ROBO1: variants seen among roughly 807,000 people sequenced by gnomAD.
ROBO1 encodes the protein roundabout guidance receptor 1.
ROBO1 carries 149 observed loss-of-function variants against 195.9 expected under a neutral mutation model. That is an observed-to-expected ratio of 0.76 (90% confidence interval 0.67 to 0.87). The LOEUF (loss-of-function observed/expected upper bound fraction) is 0.87, where lower values mean the gene tolerates loss of function less well. Among genes scored for constraint, ROBO1 ranks in the 40% least tolerant of loss-of-function variants. The pLI, the probability that ROBO1 is intolerant of heterozygous loss-of-function variation, is 0.00. For missense variants in ROBO1, 1,933 were observed against 2,068.3 expected, an observed-to-expected ratio of 0.93 and a Z score of 1.27; for synonymous variants, 816 against 733.2, an observed-to-expected ratio of 1.11 and a Z score of -1.82.
intron 3 of ROBO1, among the ~76,000 whole-genome samples, chr3:79,086,180 GA>G (rs1025006393): frequency 6.6e-6 from 1 of 151,076 alleles, no homozygotes; most frequent in Non-Finnish European, 1.5e-5. Flanking sequence ...TGTATCCAAA[GA>G]AGTCCCTCAA....
chr3:78,743,343 T>C (rs2082577844), intron 5 of ROBO1, among the ~76,000 whole-genome samples: 1 of 152,058 alleles, frequency 6.6e-6, no homozygotes, highest in African/African-American at 2.4e-5. Flanking sequence ...CATTACTCCA[T>C]CTACCAGCTG....
intron 10 of ROBO1, among the ~76,000 whole-genome samples, chr3:78,671,092 A>C (rs1708038501): frequency 6.6e-6 from 1 of 152,200 alleles, no homozygotes; most frequent in Admixed American, 6.5e-5. Flanking sequence ...CATACTACGG[A>C]AAATAACAAC....
intron 1 of ROBO1, among the ~76,000 whole-genome samples, chr3:79,762,127 T>C (rs1332389658): frequency 6.6e-6 from 1 of 152,178 alleles, no homozygotes; most frequent in Non-Finnish European, 1.5e-5. Flanking sequence ...TTGTAAACAA[T>C]AGAAATGCTT....
At chr3:78,734,669 A>G (rs1294567645) in intron 5 of ROBO1, among the ~76,000 whole-genome samples, 1 of 152,048 alleles carries the variant, frequency 6.6e-6, no homozygotes, top group Non-Finnish European at 1.5e-5. Context: ...ATACTAACAA[A>G]CAGTTTGCAA....
chr3:78,979,437 T>C (rs1421402437), intron 3 of ROBO1, among the ~76,000 whole-genome samples: 2 of 152,188 alleles, frequency 1.3e-5, no homozygotes, highest in Non-Finnish European at 2.9e-5. Flanking sequence ...GACTGAATAA[T>C]TGTTGAAATT....
At chr3:79,695,418 C>T (rs1239294342) in intron 1 of ROBO1, among the ~76,000 whole-genome samples, 1 of 151,464 alleles carries the variant, frequency 6.6e-6, no homozygotes, top group Admixed American at 6.6e-5. Context: ...AATGACTTTA[C>T]TTTGAATTTT....
chr3:78,770,113 A>G (rs568749313), intron 4 of ROBO1, among the ~76,000 whole-genome samples: 23 of 152,044 alleles, frequency 1.5e-4, no homozygotes, highest in African/African-American at 5.5e-4. Flanking sequence ...TTGAATTTGG[A>G]TGTTTAGCTC....
At chr3:78,973,575 CTATA>C (rs58598961) in intron 3 of ROBO1, among the ~76,000 whole-genome samples, 41,316 of 129,194 alleles carry the variant, frequency 0.32, 6,447 homozygotes, top group Middle Eastern at 0.41. Flanking sequence ...ATATATGAAG[CTATA>C]TATATATATA....
At chr3:79,681,080 G>T (rs143676178) in intron 1 of ROBO1, among the ~76,000 whole-genome samples, 10 of 152,068 alleles carry the variant, frequency 6.6e-5, no homozygotes, top group African/African-American at 2.4e-4. Context: ...AAATCACCTT[G>T]TGTAGTTTAG....
In ROBO1 at chr3:78,597,973, A is replaced by AGAG. The variant is rs1702938686; in HGVS notation, c.*937_*939dup. The AGAG allele has an allele frequency of 4.7e-5, 7 of 150,242 alleles. No individual in the cohort carries two copies. The highest frequency in any genetic ancestry group is 1.3e-4 in the Admixed American group (2 of 15,090). 9.3% of individuals were successfully genotyped at this position (150,242 alleles called of 1,614,324 possible). A position where few individuals can be genotyped will look rare whatever the true frequency, so the allele number is the denominator to read the frequency against. On this transcript the variant is annotated 3_prime_UTR_variant, in exon 31 of 31. Coordinates refer to ENST00000464233, the MANE Select transcript of ROBO1 (RefSeq NM_002941.4). ...ACCAAAAAAAAAAAAAAAAAGAGAGAGAGATTAAAAACAGTGCATTACAAA... is the reference window on the plus strand; with the variant it reads ...ACCAAAAAAAAAAAAAAAAAGAGAGAGAGGAGATTAAAAACAGTGCATTACAAA...
At chr3:78,672,816 A>G (rs188617009) in intron 10 of ROBO1, among the ~76,000 whole-genome samples, 110 of 152,284 alleles carry the variant, frequency 7.2e-4, no homozygotes, top group Admixed American at 7.1e-3. Context: ...TGTTGGAATT[A>G]TTAGAATGAA....
At chr3:78,886,346 C>T (rs1184233607) in intron 4 of ROBO1, among the ~76,000 whole-genome samples, 2 of 152,080 alleles carry the variant, frequency 1.3e-5, no homozygotes, top group Admixed American at 6.6e-5. Context: ...TCTGTAATCC[C>T]AGCACTTTGG....
intron 4 of ROBO1, among the ~76,000 whole-genome samples, chr3:78,927,182 G>A (rs1464405147): frequency 6.6e-6 from 1 of 152,162 alleles, no homozygotes; most frequent in East Asian, 1.9e-4. Context: ...AATTGCCTAT[G>A]TTTAAAATCT....
intron 4 of ROBO1, among the ~76,000 whole-genome samples, chr3:78,927,813 G>T (rs1576414109): frequency 6.6e-6 from 1 of 152,134 alleles, no homozygotes; most frequent in Admixed American, 6.5e-5. Context: ...TAACCCAGGA[G>T]AAAGAAAGAT....
chr3:79,563,145 G>A (rs138038438), intron 2 of ROBO1, among the ~76,000 whole-genome samples: 1 of 152,114 alleles, frequency 6.6e-6, no homozygotes, highest in African/African-American at 2.4e-5. Context: ...ACGTGGACAT[G>A]TCATGTGTTT....
intron 1 of ROBO1, among the ~76,000 whole-genome samples, chr3:79,725,949 G>T (rs184038956): frequency 1.3e-5 from 2 of 151,900 alleles, no homozygotes; most frequent in Admixed American, 1.3e-4. Context: ...TCTGGCACTT[G>T]TTTGATCTTA....
intron 22 of ROBO1, among the ~76,000 whole-genome samples, chr3:78,638,217 A>G (rs1705664465): frequency 1.5e-5 from 2 of 137,332 alleles, no homozygotes; most frequent in Admixed American, 7.0e-5. Context: ...ATATATATAC[A>G]CTTATATACA....
chr3:79,457,115 G>C (rs757889186), intron 2 of ROBO1, among the ~76,000 whole-genome samples: 2 of 152,122 alleles, frequency 1.3e-5, no homozygotes, highest in Non-Finnish European at 2.9e-5. Flanking sequence ...TACTTTGGAA[G>C]AATCAGTAGG....
intron 2 of ROBO1, among the ~76,000 whole-genome samples, chr3:79,514,071 A>G (rs1049791399): frequency 6.6e-6 from 1 of 152,124 alleles, no homozygotes; most frequent in African/African-American, 2.4e-5. Context: ...ACTTACCCCA[A>G]TGTTGGGGAG....
Sources: allele counts gnomAD v4.1 joint callset (sites outside exome capture counted in the v4.1 genomes callset), GRCh38; gene constraint gnomAD v4.1.1; transcripts MANE v1.5; gene names NCBI Gene and HGNC (gene_info 2026-07-23, HGNC 2026-07-21).